The following ACACB variants were observed in gnomAD, a reference collection of about 807,000 sequenced individuals.
The protein encoded by ACACB is acetyl-CoA carboxylase beta.
Under a neutral mutation model 278.8 loss-of-function variants are expected in ACACB, and 209 were observed. That is an observed-to-expected ratio of 0.75 (90% CI 0.67 to 0.84). The LOEUF (loss-of-function observed/expected upper bound fraction) is 0.84, where lower values mean the gene tolerates loss of function less well. ACACB is among the 40% of genes least tolerant of loss of function. ACACB has a pLI of 0.00. For missense variants in ACACB, 2,850 were observed against 3,269.0 expected (o/e 0.87, Z 3.13); for synonymous variants, 1,174 against 1,285.6 (o/e 0.91, Z 1.86).
At chr12:109,169,542 C>T (rs1031765539) in intron 4 of ACACB, among the ~76,000 whole-genome samples, 2 of 152,244 alleles carry the variant, frequency 1.3e-5, no homozygotes, top group South Asian at 2.1e-4. Context: ...CTCTTGCCCT[C>T]CATCAGCCGG....
intron 11 of ACACB, among the ~76,000 whole-genome samples, chr12:109,184,084 G>A (rs1046575641): frequency 5.4e-5 from 8 of 149,486 alleles, no homozygotes; most frequent in East Asian, 3.9e-4. Flanking sequence ...ATGGAGTCTC[G>A]CCCTTTCACC....
chr12:109,199,562 G>A lies in ACACB; in HGVS notation c.2778+10G>A. On this transcript the variant is annotated intron_variant, in intron 18 of 52. Coordinates refer to ENST00000338432, the MANE Select transcript of ACACB (RefSeq NM_001093.4). Reference sequence around the variant, plus strand: ...CTACGCTGAGATGGAGGTGACTGCAGAGCCGGCCGTGGGGAATCCTGAACC... The same window carrying A: ...CTACGCTGAGATGGAGGTGACTGCAAAGCCGGCCGTGGGGAATCCTGAACC... 9 of 1,441,350 alleles carry A rather than the reference G, an allele frequency of 6.2e-6. No individual in the cohort carries two copies. The highest frequency in any genetic ancestry group is 7.4e-6 in the Non-Finnish European group (8 of 1,088,432). The allele number at this position is 1,441,350 out of a possible 1,614,324, so 89.3% of individuals were successfully genotyped here. A position where few individuals can be genotyped will look rare whatever the true frequency, so the allele number is the denominator to read the frequency against.
At chr12:109,167,108 G>A in intron 3 of ACACB, 115 bp downstream of exon 3, 2 of 1,382,936 alleles carry the variant, frequency 1.4e-6, no homozygotes, top group Non-Finnish European at 2.0e-6. Context: ...GCAGAGAGGG[G>A]GTGAGGGCCA....
At chr12:109,172,432 C>T in intron 6 of ACACB, 76 bp downstream of exon 6, 6 of 1,374,732 alleles carry the variant, frequency 4.4e-6, no homozygotes, top group South Asian at 1.2e-5. Context: ...CCCTCTTTCT[C>T]CTCCTGTCCT....
chr12:109,194,748 C>A (rs1253180898), intron 16 of ACACB, among the ~76,000 whole-genome samples: 1 of 152,172 alleles, frequency 6.6e-6, no homozygotes, highest in African/African-American at 2.4e-5. Flanking sequence ...ATGATTTCAT[C>A]TTAATTACAT....
At chr12:109,204,311 GTCGC>G (rs900686967) in intron 19 of ACACB, among the ~76,000 whole-genome samples, 4 of 88,808 alleles carry the variant, frequency 4.5e-5, no homozygotes, top group African/African-American at 4.4e-5. Context: ...TTTTGCTCTT[GTCGC>G]CCAGGCTGGA....
chr12:109,138,398 TG>T (rs773150790), intron 1 of ACACB, among the ~76,000 whole-genome samples: 21 of 152,288 alleles, frequency 1.4e-4, no homozygotes, highest in Non-Finnish European at 2.6e-4. Flanking sequence ...CGAGGCTTGT[TG>T]GGCTTCTATG....
intron 12 of ACACB, among the ~76,000 whole-genome samples, chr12:109,187,304 C>A (rs2044696092): frequency 6.6e-6 from 1 of 152,116 alleles, no homozygotes; most frequent in Non-Finnish European, 1.5e-5. Flanking sequence ...GTCTTCACTT[C>A]TATTTAAACT....
chr12:109,257,424 G>A (rs956362828), intron 45 of ACACB, among the ~76,000 whole-genome samples: 4 of 152,056 alleles, frequency 2.6e-5, no homozygotes, highest in Non-Finnish European at 4.4e-5. Flanking sequence ...ATGTAGTGAT[G>A]CACAGTTCAG....
At chr12:109,221,853 A>G (rs889182171) in intron 24 of ACACB, among the ~76,000 whole-genome samples, 2 of 149,968 alleles carry the variant, frequency 1.3e-5, no homozygotes, top group Non-Finnish European at 2.9e-5. Context: ...CACCTGGCAC[A>G]TAGTATGTGC....
chr12:109,115,741 A>T (rs1016606719), upstream of ACACB, among the ~76,000 whole-genome samples: 2 of 152,244 alleles, frequency 1.3e-5, no homozygotes, highest in Non-Finnish European at 2.9e-5. Context: ...CCCAGAAACA[A>T]AGTAGCTGTG....
At chr12:109,159,726 G>A (rs1000549557) in intron 2 of ACACB, among the ~76,000 whole-genome samples, 1 of 151,854 alleles carries the variant, frequency 6.6e-6, no homozygotes, top group Non-Finnish European at 1.5e-5. Context: ...TGCCAGTAGC[G>A]CATCCCCCAA....
intron 45 of ACACB, among the ~76,000 whole-genome samples, chr12:109,257,483 G>C (rs914314641): frequency 6.6e-6 from 1 of 152,136 alleles, no homozygotes; most frequent in Non-Finnish European, 1.5e-5. Flanking sequence ...TCTCTGTCCA[G>C]TTCAATATCC....
At chr12:109,142,214 A>C (rs940368698) in intron 2 of ACACB, among the ~76,000 whole-genome samples, 4 of 152,134 alleles carry the variant, frequency 2.6e-5, no homozygotes, top group Admixed American at 2.6e-4. Flanking sequence ...GTGCCACTGC[A>C]CTCCAGCCTG....
In ACACB at chr12:109,254,306, G is replaced by A. The variant is rs2047169116; in HGVS notation, c.6138G>A (p.Arg2046=). ...FLPSRAPYDP[R]WMLAGRPHPT... is the part of the protein sequence containing the mutation. ...CATCCAGAGCTCCCTACGACCCCCG[G>A]TGGATGCTTGCAGGAAGGCCTCACC... The change falls in exon 44 of 53, where the codon CGG becomes CGA. Residue 2046 remains arginine (R), a synonymous_variant. Transcript: ENST00000338432. The A allele has an allele frequency of 6.2e-7, 1 of 1,611,888 alleles. No individual in the cohort carries two copies. Among genetic ancestry groups the A allele is most frequent in the Non-Finnish European group, 8.5e-7 (1 of 1,179,708 alleles).
chr12:109,245,282 A>G (rs1406791584), intron 37 of ACACB, among the ~76,000 whole-genome samples: 1 of 152,200 alleles, frequency 6.6e-6, no homozygotes, highest in Admixed American at 6.5e-5. Flanking sequence ...TGCATACAGG[A>G]TAAAGGAAAA....
chr12:109,226,220 A>G (rs1322064232), intron 27 of ACACB, among the ~76,000 whole-genome samples: 1 of 152,166 alleles, frequency 6.6e-6, no homozygotes, highest in African/African-American at 2.4e-5. Context: ...GCAGTGGGTT[A>G]TGATCTCACC....
intron 47 of ACACB, 139 bp from the exon 48 acceptor site, chr12:109,260,341 T>C: frequency 8.5e-7 from 1 of 1,176,820 alleles, no homozygotes; most frequent in Non-Finnish European, 1.2e-6. Context: ...GAGTGATCAG[T>C]ACTCTCAAAT....
At position 109,216,684 on chromosome 12, in the gene ACACB, T is replaced by C; in HGVS notation, c.3417T>C (p.Arg1139=). Residue 1139 remains arginine (R), a synonymous_variant, in exon 23 of 53, where the codon CGT becomes CGC. Transcript: ENST00000338432. ...VVLDLLRRYL[R]VEHHFQQAHY... ...TGGATCTCCTGAGAAGATACTTGCG[T>C]GTTGAGCACCATTTTCAGCAAGGCA... The C allele has an allele frequency of 6.2e-7, 1 of 1,614,212 alleles. No individual in the cohort carries two copies. Among genetic ancestry groups the C allele is most frequent in the East Asian group, 2.2e-5 (1 of 44,890 alleles).
Sources: allele counts gnomAD v4.1 joint callset (sites outside exome capture counted in the v4.1 genomes callset), GRCh38; gene constraint gnomAD v4.1.1; transcripts MANE v1.5; gene names NCBI Gene and HGNC (gene_info 2026-07-23, HGNC 2026-07-21).